Variants in FRAS1 observed in about 807,000 individuals in gnomAD.
FRAS1 encodes extracellular matrix organizing protein FRAS1.
FRAS1 carries 290 observed loss-of-function variants against 435.2 expected under a neutral mutation model. The ratio of observed to expected loss-of-function variants is 0.67; its 90% CI spans 0.61 to 0.73. FRAS1 has a LOEUF of 0.73. Ranked by LOEUF, FRAS1 falls within the 30% of genes least tolerant of loss-of-function variation. The pLI is 0.00. For missense variants in FRAS1, 4,860 were observed against 5,001.5 expected (o/e 0.97, Z 0.85); for synonymous variants, 1,800 against 1,851.0 (o/e 0.97, Z 0.71).
intron 21 of FRAS1, 26 bp from the exon 22 acceptor site, chr4:78,363,882 C>T: frequency 3.1e-6 from 5 of 1,594,652 alleles, no homozygotes; most frequent in Non-Finnish European, 4.3e-6. Flanking sequence ...ATCATGGTTT[C>T]TGTTGTGTCT....
chr4:78,242,828 G>A (rs1246808729), intron 3 of FRAS1, among the ~76,000 whole-genome samples: 1 of 152,188 alleles, frequency 6.6e-6, no homozygotes, highest in East Asian at 1.9e-4. Flanking sequence ...ATAACCTAGT[G>A]TCAATGGCAA....
chr4:78,177,163 C>A (rs1322557685), intron 2 of FRAS1, among the ~76,000 whole-genome samples: 1 of 150,972 alleles, frequency 6.6e-6, no homozygotes, highest in Non-Finnish European at 1.5e-5. Context: ...TCTCGGCTCA[C>A]TGCAAGCTCC....
intron 2 of FRAS1, among the ~76,000 whole-genome samples, chr4:78,125,565 A>T (rs1423474282): frequency 6.6e-6 from 1 of 151,776 alleles, no homozygotes; most frequent in Non-Finnish European, 1.5e-5. Context: ...TCTTTCGTTG[A>T]TCTGTCTTTT....
intron 14 of FRAS1, among the ~76,000 whole-genome samples, chr4:78,305,471 C>G (rs954297823): frequency 1.3e-5 from 2 of 150,164 alleles, no homozygotes; most frequent in Non-Finnish European, 3.0e-5. Flanking sequence ...GTGTTAAAGT[C>G]TCCCATTATT....
chr4:78,236,659 A>G (rs1184650681), intron 2 of FRAS1, among the ~76,000 whole-genome samples: 1 of 152,146 alleles, frequency 6.6e-6, no homozygotes, highest in African/African-American at 2.4e-5. Context: ...TGTGGAAGCT[A>G]TGAGATAGTT....
intron 53 of FRAS1, 73 bp downstream of exon 53, chr4:78,473,670 T>TG (rs554191231): frequency 5.0e-5 from 62 of 1,240,280 alleles, no homozygotes; most frequent in Non-Finnish European, 6.6e-5. Context: ...TGAAGGATGC[T>TG]GGGGGGCAGC....
chr4:78,376,018 A>T, intron 26 of FRAS1, 139 bp downstream of exon 26: 1 of 896,352 alleles, frequency 1.1e-6, no homozygotes. Flanking sequence ...GCTACTAAGG[A>T]GTAAGGGACT....
chr4:78,115,554 T>C (rs2109949893), intron 2 of FRAS1, among the ~76,000 whole-genome samples: 1 of 152,360 alleles, frequency 6.6e-6, no homozygotes, highest in Middle Eastern at 3.4e-3. Flanking sequence ...TGGTTTGGTC[T>C]TGGGAGGGTG....
At chr4:78,408,897 G>A (rs541400673) in intron 31 of FRAS1, among the ~76,000 whole-genome samples, 6 of 152,052 alleles carry the variant, frequency 3.9e-5, no homozygotes, top group Non-Finnish European at 7.4e-5. Flanking sequence ...GCCAAGGCAG[G>A]CAGATTGCGT....
intron 2 of FRAS1, among the ~76,000 whole-genome samples, chr4:78,086,292 T>G (rs1195655146): frequency 6.6e-6 from 1 of 152,128 alleles, no homozygotes; most frequent in Non-Finnish European, 1.5e-5. Context: ...AGAGGGAAAT[T>G]TATAGCACTG....
chr4:78,528,971 G>A (rs1721629748), intron 70 of FRAS1, among the ~76,000 whole-genome samples: 1 of 152,092 alleles, frequency 6.6e-6, no homozygotes, highest in Non-Finnish European at 1.5e-5. Flanking sequence ...AGAAGTGGGA[G>A]GAAAAGAAGA....
At chr4:78,185,469 A>T (rs1722230813) in intron 2 of FRAS1, among the ~76,000 whole-genome samples, 2 of 152,274 alleles carry the variant, frequency 1.3e-5, no homozygotes, top group South Asian at 4.1e-4. Flanking sequence ...TGCTCACGGG[A>T]TTGTTTTTCA....
chr4:78,360,269 C>T (rs1731026355), intron 20 of FRAS1, among the ~76,000 whole-genome samples: 1 of 152,038 alleles, frequency 6.6e-6, no homozygotes, highest in Non-Finnish European at 1.5e-5. Flanking sequence ...TAAATCTGGT[C>T]CTTAAGAGGC....
chr4:78,130,138 C>T (rs1719611690), intron 2 of FRAS1, among the ~76,000 whole-genome samples: 1 of 152,178 alleles, frequency 6.6e-6, no homozygotes, highest in South Asian at 2.1e-4. Context: ...TTCCTCTCTA[C>T]CTTGTACTTA....
At chr4:78,491,863 GTC>G (rs1171590077) in intron 59 of FRAS1, among the ~76,000 whole-genome samples, 3 of 152,170 alleles carry the variant, frequency 2.0e-5, no homozygotes, top group Non-Finnish European at 4.4e-5. Flanking sequence ...AAGTCAAATT[GTC>G]TCTGTTTGCA....
At chr4:78,222,630 T>C (rs1724103372) in intron 2 of FRAS1, among the ~76,000 whole-genome samples, 1 of 152,194 alleles carries the variant, frequency 6.6e-6, no homozygotes, top group African/African-American at 2.4e-5. Context: ...GGATGGGTGG[T>C]AAGCTTAAAT....
In FRAS1 at chr4:78,439,036, C is replaced by T. The variant is rs952204658; in HGVS notation, c.5501C>T (p.Pro1834Leu). 1.2e-6 allele frequency: 2 copies of T among 1,613,390 alleles called. No homozygotes were observed. Among genetic ancestry groups the T allele is most frequent in the African/African-American group, 1.3e-5 (1 of 74,914 alleles). ...IMITPAENPP[P>L]VIAFADLITV... ...ATCACTCCTGCTGAAAATCCACCTC[C>T]AGTCATTGCTTTTGCTGACCTTATC... The change falls in exon 40 of 74, where the codon CCA becomes CTA. Residue 1834 changes from proline (P) to leucine (L), a missense_variant. Pro to Leu is a moderately conservative substitution (Grantham distance 98, BLOSUM62 -3). Transcript: ENST00000512123.
chr4:78,250,658 C>G (rs73827911), intron 4 of FRAS1, among the ~76,000 whole-genome samples: 4,149 of 152,078 alleles, frequency 0.027, 190 homozygotes, highest in African/African-American at 0.094. Context: ...GGGGAAATAC[C>G]ACAGATACTG....
rs886737899 is a variant in FRAS1 at position 78,333,189 on chromosome 4, G to A, written c.2138-83G>A. 17 of 1,468,388 alleles carry A rather than the reference G, an allele frequency of 1.2e-5. No homozygotes were observed. The African/African-American group carries it at 1.8e-4, about 16-fold the overall frequency. The allele number at this position is 1,468,388 out of a possible 1,614,324, so 91.0% of individuals were successfully genotyped here. A position where few individuals can be genotyped will look rare whatever the true frequency, so the allele number is the denominator to read the frequency against. On this transcript the variant is annotated intron_variant, in intron 18 of 73. Coordinates refer to ENST00000512123, the MANE Select transcript of FRAS1 (RefSeq NM_025074.7). ...ATGTACAGAACATACTCTGACCCAG[G>A]AATGTTAATGGGAGAGATAGAGTTA...
Sources: gnomAD v4.1 joint callset for allele counts (sites outside exome capture counted in the v4.1 genomes callset) on GRCh38, gnomAD v4.1.1 for gene constraint, MANE v1.5 for transcripts, NCBI Gene and HGNC (gene_info 2026-07-23, HGNC 2026-07-21) for gene names.